Variants in GIGYF2 observed in about 807,000 individuals in gnomAD.
The protein encoded by GIGYF2 is GRB10-interacting GYF protein 2.
In GIGYF2, 25 loss-of-function variants were observed where a neutral mutation model predicts 208.1. That is an observed-to-expected ratio of 0.12 (90% CI 0.09 to 0.17). The LOEUF is 0.17. Among genes scored for constraint, GIGYF2 ranks in the 10% least tolerant of loss-of-function variants. GIGYF2 has a pLI of 1.00. For synonymous variants in GIGYF2, 534 were observed against 543.8 expected (o/e 0.98, Z 0.25); for missense variants, 1,302 against 1,579.4 (o/e 0.82, Z 2.98).
chr2:232,739,801 T>TA (rs1482168095), intron 3 of GIGYF2, among the ~76,000 whole-genome samples: 1 of 151,870 alleles, frequency 6.6e-6, no homozygotes, highest in African/African-American at 2.4e-5. Flanking sequence ...TCAAGATATT[T>TA]AAAAAACAAA....
chr2:232,751,907 G>A (rs1698347964), intron 5 of GIGYF2, among the ~76,000 whole-genome samples: 2 of 152,162 alleles, frequency 1.3e-5, no homozygotes, highest in Admixed American at 6.5e-5. Context: ...ATTTAGAGAA[G>A]AGTAAAATTA....
intron 2 of GIGYF2, among the ~76,000 whole-genome samples, chr2:232,707,759 TC>T (rs1696191098): frequency 6.6e-6 from 1 of 151,176 alleles, no homozygotes; most frequent in South Asian, 2.1e-4. Flanking sequence ...TGCCTCAGCC[TC>T]CCTAGTAGCT....
At chr2:232,731,144 C>T (rs903688036) in intron 2 of GIGYF2, 7 of 152,170 alleles carry the variant, frequency 4.6e-5, no homozygotes, top group Non-Finnish European at 7.4e-5. Flanking sequence ...TCTGGGGCTT[C>T]GTTTATATTT....
intron 8 of GIGYF2, chr2:232,776,654 G>A: frequency 3.3e-6 from 2 of 599,500 alleles, no homozygotes; most frequent in East Asian, 2.8e-5. Context: ...GCCTGCAGGG[G>A]GGCCAATTAG....
chr2:232,775,179 A>G (rs1037305388), intron 8 of GIGYF2, among the ~76,000 whole-genome samples: 3 of 152,124 alleles, frequency 2.0e-5, no homozygotes, highest in Non-Finnish European at 4.4e-5. Flanking sequence ...TACCCTGAAT[A>G]ACTATTCTGT....
chr2:232,805,573 G>T (rs1253195322), intron 14 of GIGYF2, among the ~76,000 whole-genome samples: 1 of 151,952 alleles, frequency 6.6e-6, no homozygotes, highest in Non-Finnish European at 1.5e-5. Context: ...GTTATATTTT[G>T]TGTGACTTTC....
chr2:232,813,187 C>CTTTTTTTTT (rs894736273), intron 18 of GIGYF2, among the ~76,000 whole-genome samples: 8 of 123,864 alleles, frequency 6.5e-5, no homozygotes, highest in Non-Finnish European at 1.2e-4. Flanking sequence ...TCTTTGCTTT[C>CTTTTTTTTT]TTTTTTTTTT....
chr2:232,799,919 CCTT>C (rs1700343020), intron 14 of GIGYF2, among the ~76,000 whole-genome samples: 2 of 150,654 alleles, frequency 1.3e-5, no homozygotes, highest in East Asian at 3.9e-4. Flanking sequence ...CATTTGTATA[CCTT>C]CTTTGGTGAA....
intron 6 of GIGYF2, 105 bp downstream of exon 6, chr2:232,756,439 C>T (rs1006504590): frequency 3.3e-6 from 2 of 605,846 alleles, no homozygotes; most frequent in South Asian, 2.4e-5. Context: ...TGTTCTTTGA[C>T]ATTAACTGCA....
intron 3 of GIGYF2, among the ~76,000 whole-genome samples, chr2:232,743,960 C>G (rs1171741062): frequency 2.0e-5 from 3 of 152,158 alleles, no homozygotes; most frequent in African/African-American, 7.2e-5. Flanking sequence ...ATCTTCCCAC[C>G]TCAGCCTTCC....
chr2:232,837,300 A>G (rs1701668976), intron 22 of GIGYF2, among the ~76,000 whole-genome samples: 1 of 152,362 alleles, frequency 6.6e-6, no homozygotes, highest in East Asian at 1.9e-4. Context: ...GTACCAGTCT[A>G]GAGTGGAGTT....
intron 14 of GIGYF2, among the ~76,000 whole-genome samples, chr2:232,805,197 A>G (rs1464947861): frequency 6.6e-6 from 1 of 152,060 alleles, no homozygotes; most frequent in Non-Finnish European, 1.5e-5. Context: ...GTATTTTTCT[A>G]TATTTGGAAT....
At chr2:232,766,246 A>G (rs1377695527) in intron 8 of GIGYF2, among the ~76,000 whole-genome samples, 1 of 152,214 alleles carries the variant, frequency 6.6e-6, no homozygotes, top group Non-Finnish European at 1.5e-5. Context: ...TAGTTTACCA[A>G]TAGTTTTTTT....
chr2:232,735,453 A>G, intron 3 of GIGYF2: 2 of 442,848 alleles, frequency 4.5e-6, no homozygotes, highest in South Asian at 9.6e-5. Context: ...GTCTGGTTAT[A>G]TATGTAATGA....
chr2:232,851,715 C>T (rs79801783), intron 28 of GIGYF2, among the ~76,000 whole-genome samples: 3,987 of 152,174 alleles, frequency 0.026, 68 homozygotes, highest in African/African-American at 0.049. Context: ...CCGCCACGCC[C>T]GGCCCTAAAA....
chr2:232,836,383 A>AATATAAAT (rs1553537396), intron 22 of GIGYF2, among the ~76,000 whole-genome samples: 6 of 42,706 alleles, frequency 1.4e-4, no homozygotes, highest in Admixed American at 7.1e-4. Flanking sequence ...TATAAATATA[A>AATATAAAT]ATATATATAA....
intron 8 of GIGYF2, among the ~76,000 whole-genome samples, chr2:232,782,368 T>C (rs1397385503): frequency 6.6e-6 from 1 of 152,204 alleles, no homozygotes; most frequent in African/African-American, 2.4e-5. Context: ...TGGCCAGTAG[T>C]ACTATTTCTT....
Position 232,746,756 on chromosome 2 carries a change from C to G in GIGYF2, c.42-859C>G, listed in dbSNP as rs561651262. Among the ~76,000 whole-genome samples, 7 of 152,184 alleles carry G rather than the reference C, an allele frequency of 4.6e-5. No individual in the cohort carries two copies. The South Asian group carries it at 1.5e-3, about 32-fold the overall frequency. ...TTGTACTTTACTGCATTTTCAGATT[C>G]TCTACACTGACCATTAATTGCTTTT... On this transcript the variant is annotated intron_variant, in intron 3 of 28. Coordinates refer to ENST00000373563, the MANE Select transcript of GIGYF2 (RefSeq NM_001103146.3).
At chr2:232,790,240 GA>G (rs1700031600) in intron 9 of GIGYF2, among the ~76,000 whole-genome samples, 1 of 152,110 alleles carries the variant, frequency 6.6e-6, no homozygotes, top group Non-Finnish European at 1.5e-5. Context: ...ACAGGGAGCT[GA>G]TTTTATCCAC....
Sources: gnomAD v4.1 joint callset for allele counts (sites outside exome capture counted in the v4.1 genomes callset) on GRCh38, gnomAD v4.1.1 for gene constraint, MANE v1.5 for transcripts, NCBI Gene and HGNC (gene_info 2026-07-23, HGNC 2026-07-21) for gene names.